MTMR8: variants seen among roughly 807,000 people sequenced by gnomAD.
The protein encoded by MTMR8 is myotubularin related protein 8.
In MTMR8, 65 loss-of-function variants were observed where a neutral mutation model predicts 39.3. That is an observed-to-expected ratio of 1.65 (90% CI 1.35 to 2.03). MTMR8 has a LOEUF of 2.03. Ranked by LOEUF, MTMR8 falls within the 30% of genes most tolerant of loss-of-function variation. MTMR8 has a pLI of 0.00. For missense variants in MTMR8, 777 were observed against 538.9 expected, an observed-to-expected ratio of 1.44 and a Z score of -4.37; for synonymous variants, 245 against 185.2, an observed-to-expected ratio of 1.32 and a Z score of -2.62.
At chrX:64,354,305 G>T (rs914794501) in intron 4 of MTMR8, among the ~76,000 whole-genome samples, 1 of 109,921 alleles carries the variant, frequency 9.1e-6, no homozygotes, top group Non-Finnish European at 1.9e-5. Context: ...AACTGAAAAT[G>T]GAATTGGAAT....
intron 12 of MTMR8, among the ~76,000 whole-genome samples, chrX:64,308,237 T>C (rs1426428067): frequency 1.8e-5 from 2 of 110,754 alleles, no homozygotes; most frequent in East Asian, 5.6e-4. Context: ...TATTATTATT[T>C]TTTGAGACAG....
chrX:64,304,897 T>C (rs1393928763), intron 12 of MTMR8: 8 of 68,294 alleles, frequency 1.2e-4, no homozygotes, highest in African/African-American at 5.8e-4. Context: ...TATATATATA[T>C]ATATATATAT....
intron 12 of MTMR8, among the ~76,000 whole-genome samples, chrX:64,324,383 AAAGAG>A (rs1922732013): frequency 1.8e-5 from 2 of 111,164 alleles, no homozygotes; most frequent in South Asian, 7.7e-4. Context: ...AAAATAAAGA[AAAGAG>A]AAGAGAAGAA....
At chrX:64,274,317 A>T (rs1178721491) in intron 12 of MTMR8, among the ~76,000 whole-genome samples, 3 of 112,409 alleles carry the variant, frequency 2.7e-5, no homozygotes, top group African/African-American at 9.7e-5. Flanking sequence ...TTGTAAAGTT[A>T]AAACATATGG....
At chrX:64,375,588 T>A (rs1924247976) in intron 1 of MTMR8, among the ~76,000 whole-genome samples, 1 of 110,968 alleles carries the variant, frequency 9.0e-6, no homozygotes, top group South Asian at 3.9e-4. Flanking sequence ...TAGGTGGTGA[T>A]TAGCTCATGA....
intron 12 of MTMR8, among the ~76,000 whole-genome samples, chrX:64,296,361 G>A (rs1921581619): frequency 9.0e-6 from 1 of 110,901 alleles, no homozygotes; most frequent in Admixed American, 9.6e-5. Flanking sequence ...TTTCTGTTTG[G>A]GATGATGAAA....
At chrX:64,301,760 G>A (rs1239884933) in intron 12 of MTMR8, among the ~76,000 whole-genome samples, 7 of 111,489 alleles carry the variant, frequency 6.3e-5, no homozygotes, top group Non-Finnish European at 1.3e-4. Flanking sequence ...TTTTCGGTGT[G>A]GATGTCCTTT....
chrX:64,320,211 C>A (rs921087183), intron 12 of MTMR8, among the ~76,000 whole-genome samples: 2 of 111,010 alleles, frequency 1.8e-5, no homozygotes, highest in Admixed American at 9.6e-5. Context: ...TGTTTATCTG[C>A]TATTGGTGTA....
intron 1 of MTMR8, among the ~76,000 whole-genome samples, chrX:64,378,185 A>G (rs763203321): frequency 6.3e-5 from 7 of 111,764 alleles, no homozygotes; most frequent in Non-Finnish European, 1.3e-4. Flanking sequence ...AATACACTAA[A>G]TCTATAGTAT....
intron 12 of MTMR8, among the ~76,000 whole-genome samples, chrX:64,315,228 C>T (rs781558582): frequency 1.8e-5 from 2 of 112,003 alleles, no homozygotes; most frequent in East Asian, 5.7e-4. Context: ...TTCCAGAGGC[C>T]CATGGCAAGA....
At chrX:64,324,988 C>T (rs746105108) in intron 12 of MTMR8, among the ~76,000 whole-genome samples, 18 of 110,689 alleles carry the variant, frequency 1.6e-4, no homozygotes, top group Admixed American at 8.7e-4. Flanking sequence ...ACAACTGATG[C>T]TACAGAAATA....
intron 1 of MTMR8, among the ~76,000 whole-genome samples, chrX:64,376,669 A>G (rs1300381041): frequency 8.9e-6 from 1 of 112,729 alleles, no homozygotes; most frequent in African/African-American, 3.2e-5. Context: ...GCACAGCATA[A>G]AAGTTTAGAA....
intron 10 of MTMR8, among the ~76,000 whole-genome samples, chrX:64,335,275 G>A (rs1273093205): frequency 1.8e-5 from 2 of 110,565 alleles, no homozygotes; most frequent in South Asian, 3.9e-4. Flanking sequence ...AGGATTATAG[G>A]CACCCGCCAC....
intron 1 of MTMR8, among the ~76,000 whole-genome samples, chrX:64,382,308 A>G (rs1225253508): frequency 9.0e-6 from 1 of 111,520 alleles, no homozygotes; most frequent in Non-Finnish European, 1.9e-5. Context: ...CTCCTTGAAG[A>G]GGTCCTTCAC....
chrX:64,281,703 G>T (rs1220008469), intron 12 of MTMR8, among the ~76,000 whole-genome samples: 1 of 110,845 alleles, frequency 9.0e-6, no homozygotes, highest in Non-Finnish European at 1.9e-5. Context: ...TGACAAATGG[G>T]ATCTAATTAA....
chrX:64,329,731 AC>A (rs1922895186), intron 11 of MTMR8, among the ~76,000 whole-genome samples: 1 of 111,287 alleles, frequency 9.0e-6, no homozygotes, highest in African/African-American at 3.3e-5. Flanking sequence ...TGGTCTTGTA[AC>A]TTTTGCAATT....
chrX:64,387,868 AAAAAAGAGAG>A (rs1445875141), intron 1 of MTMR8, among the ~76,000 whole-genome samples: 2 of 110,161 alleles, frequency 1.8e-5, no homozygotes, highest in Non-Finnish European at 3.8e-5. Context: ...GAGAAAGATG[AAAAAAGAGAG>A]AAAAGGAGAG....
chrX:64,275,752 G>A (rs763870816), intron 12 of MTMR8, among the ~76,000 whole-genome samples: 74 of 108,243 alleles, frequency 6.8e-4, no homozygotes, highest in African/African-American at 2.4e-3. Context: ...AATAAAAAGA[G>A]AAGACTTGAA....
At chrX:64,303,931 C>T (rs1449398731) in intron 12 of MTMR8, among the ~76,000 whole-genome samples, 2 of 112,019 alleles carry the variant, frequency 1.8e-5, no homozygotes, top group East Asian at 5.6e-4. Context: ...AAAAGCATGG[C>T]CTTTTAAGCA....
Sources: allele counts gnomAD v4.1 joint callset (sites outside exome capture counted in the v4.1 genomes callset), GRCh38; gene constraint gnomAD v4.1.1; transcripts MANE v1.5; gene names NCBI Gene and HGNC (gene_info 2026-07-23, HGNC 2026-07-21).